Variants in PLEKHA5 observed in about 807,000 individuals in gnomAD.
PLEKHA5 encodes pleckstrin homology domain containing A5.
Under a neutral mutation model 181.9 loss-of-function variants are expected in PLEKHA5, and 55 were observed. The observed-to-expected ratio is 0.30, with a 90% CI of 0.24 to 0.38. The LOEUF is 0.38. PLEKHA5 is among the 10% of genes least tolerant of loss of function. The probability of loss-of-function intolerance (pLI) is 1.00; values close to 1 mark genes in which losing one functional copy is unlikely to be tolerated. For missense variants in PLEKHA5, 1,432 were observed against 1,549.5 expected (o/e 0.92, Z 1.27); for synonymous variants, 535 against 529.4 (o/e 1.01, Z -0.15).
intron 20 of PLEKHA5, among the ~76,000 whole-genome samples, chr12:19,328,007 G>A (rs1592507473): frequency 6.6e-6 from 1 of 152,146 alleles, no homozygotes; most frequent in Non-Finnish European, 1.5e-5. Flanking sequence ...GTTAATTTTT[G>A]TATATGGTGA....
At chr12:19,211,971 G>A (rs562474640) in intron 3 of PLEKHA5, among the ~76,000 whole-genome samples, 8 of 152,148 alleles carry the variant, frequency 5.3e-5, no homozygotes, top group Non-Finnish European at 1.2e-4. Flanking sequence ...TAAACAACTT[G>A]GTTTTGGCTT....
intron 3 of PLEKHA5, among the ~76,000 whole-genome samples, chr12:19,185,202 CCT>C (rs2049549303): frequency 6.6e-6 from 1 of 151,858 alleles, no homozygotes; most frequent in Non-Finnish European, 1.5e-5. Flanking sequence ...CCCTGTCCAT[CCT>C]CTGTTTCTTC....
chr12:19,306,873 T>G (rs2152956742), intron 15 of PLEKHA5: 1 of 798,726 alleles, frequency 1.3e-6, no homozygotes, highest in East Asian at 2.4e-5. Flanking sequence ...GAAGGAGTTA[T>G]TCCTGATAAG....
chr12:19,339,375 C>G (rs148274264), intron 21 of PLEKHA5, among the ~76,000 whole-genome samples: 22 of 152,248 alleles, frequency 1.4e-4, no homozygotes, highest in Middle Eastern at 6.8e-3. Context: ...TTGTTCTTAA[C>G]TCACAGGCCA....
rs528637011 is a variant in PLEKHA5 at position 19,200,511 on chromosome 12, T to A, written c.228-53429T>A. 6.6e-6 allele frequency: 9 copies of A among 1,364,324 alleles called. No individual in the cohort carries two copies. The East Asian group carries it at 2.1e-4, about 32-fold the overall frequency. The allele number at this position is 1,364,324 out of a possible 1,614,324, so 84.5% of individuals were successfully genotyped here. A position where few individuals can be genotyped will look rare whatever the true frequency, so the allele number is the denominator to read the frequency against. Reference sequence around the variant, plus strand: ...TATTCTCCATAACAAATGTTCCAAATCTTTGATTACTCACCTCAGAATGCT... The same window carrying A: ...TATTCTCCATAACAAATGTTCCAAAACTTTGATTACTCACCTCAGAATGCT... On this transcript the variant is annotated intron_variant, in intron 3 of 31. Transcript: ENST00000429027.
At chr12:19,153,518 C>T (rs1337882761) in intron 3 of PLEKHA5, 3 of 152,094 alleles carry the variant, frequency 2.0e-5, no homozygotes, top group Non-Finnish European at 4.4e-5. Context: ...TACGCGTACA[C>T]ACACACAAAC....
chr12:19,241,759 TAAA>T (rs11357680), intron 3 of PLEKHA5, among the ~76,000 whole-genome samples: 1 of 144,030 alleles, frequency 6.9e-6, no homozygotes, highest in African/African-American at 2.6e-5. Flanking sequence ...AGATTCCATC[TAAA>T]AAAAAAAAAA....
At chr12:19,298,981 A>G (rs2080712262) in intron 15 of PLEKHA5, among the ~76,000 whole-genome samples, 3 of 152,368 alleles carry the variant, frequency 2.0e-5, no homozygotes, top group South Asian at 4.1e-4. Context: ...GCCTGACACC[A>G]GTCTCTCACA....
chr12:19,183,809 G>A (rs767756731), intron 3 of PLEKHA5, among the ~76,000 whole-genome samples: 5 of 152,138 alleles, frequency 3.3e-5, no homozygotes, highest in Admixed American at 1.3e-4. Context: ...TGCCTGCCAG[G>A]TTCAAACGAT....
intron 15 of PLEKHA5, among the ~76,000 whole-genome samples, chr12:19,309,670 G>A (rs1363129435): frequency 3.9e-5 from 6 of 151,974 alleles, no homozygotes; most frequent in Non-Finnish European, 5.9e-5. Flanking sequence ...ACTTGAACCC[G>A]GGAGGTGGAG....
intron 10 of PLEKHA5, among the ~76,000 whole-genome samples, chr12:19,273,661 G>A (rs916025111): frequency 2.0e-5 from 3 of 152,170 alleles, no homozygotes; most frequent in Non-Finnish European, 2.9e-5. Context: ...ACCTAGATAT[G>A]GCAACTAGAA....
chr12:19,154,036 T>C (rs574427227), intron 3 of PLEKHA5: 1 of 152,312 alleles, frequency 6.6e-6, no homozygotes, highest in African/African-American at 2.4e-5. Context: ...GTTTATATTA[T>C]CAGATGCATT....
chr12:19,171,313 C>G (rs1300016120), intron 3 of PLEKHA5, among the ~76,000 whole-genome samples: 2 of 152,130 alleles, frequency 1.3e-5, no homozygotes, highest in Admixed American at 6.5e-5. Flanking sequence ...GTTTCTTCAT[C>G]TGCCTCTGGG....
intron 3 of PLEKHA5, among the ~76,000 whole-genome samples, chr12:19,204,506 A>T (rs1565463267): frequency 2.0e-5 from 3 of 152,158 alleles, no homozygotes; most frequent in Admixed American, 6.6e-5. Flanking sequence ...ACTAATGGCC[A>T]TTGCAGCAAT....
rs990928363 is a variant in PLEKHA5 at position 19,151,524 on chromosome 12, T to G, written c.227+19074T>G. The G allele has an allele frequency of 7.9e-5, 12 of 152,336 alleles. No homozygotes were observed. In the East Asian group the frequency reaches 2.3e-3, roughly 30 times the overall value. The allele number at this position is 152,336 out of a possible 1,614,324, so 9.4% of individuals were successfully genotyped here. A position where few individuals can be genotyped will look rare whatever the true frequency, so the allele number is the denominator to read the frequency against. On this transcript the variant is annotated intron_variant, in intron 3 of 31. Transcript: ENST00000429027. ...GTGGTCAGCCCAGGAATTTGTGGGT[T>G]CTGCCTGTGCTCCTTAAAGGGTATT...
intron 28 of PLEKHA5, among the ~76,000 whole-genome samples, chr12:19,359,963 C>T (rs1384394214): frequency 6.6e-6 from 1 of 150,800 alleles, no homozygotes. Context: ...GAGGGAGACT[C>T]CATCTCAAAA....
rs2070959954 is a variant in PLEKHA5 at position 19,267,665 on chromosome 12, C to G, written c.711+1815C>G. Among the ~76,000 whole-genome samples, 3 of 139,256 alleles carry G rather than the reference C, an allele frequency of 2.2e-5. No individual in the cohort carries two copies. In the South Asian group the frequency reaches 7.1e-4, roughly 33 times the overall value. The allele number at this position is 139,256 out of a possible 152,430, so 91.4% of individuals were successfully genotyped here. A position where few individuals can be genotyped will look rare whatever the true frequency, so the allele number is the denominator to read the frequency against. ...ACAGAGTAAGACTCCCTCCCTCCCCCAACCCCCCAAAAAAATAGCCAGGCA... is the reference window on the plus strand; with the variant it reads ...ACAGAGTAAGACTCCCTCCCTCCCCGAACCCCCCAAAAAAATAGCCAGGCA... On this transcript the variant is annotated intron_variant, in intron 8 of 31. Coordinates refer to ENST00000429027, the MANE Select transcript of PLEKHA5 (RefSeq NM_001256470.2).
At chr12:19,206,552 T>A (rs7306560) in intron 3 of PLEKHA5, among the ~76,000 whole-genome samples, 86,122 of 151,848 alleles carry the variant, frequency 0.57, 28,041 homozygotes, top group Non-Finnish European at 0.75. Flanking sequence ...ATAAGGTGCT[T>A]TAAAGAGGTC....
rs750046173 is a variant in PLEKHA5 at position 19,320,604 on chromosome 12, C to T, written c.2197C>T (p.Pro733Ser). Residue 733 changes from proline (P) to serine (S), a missense_variant, in exon 18 of 32, where the codon CCT becomes TCT. This residue lies in a region of PLEKHA5 where 1,143 missense variants were observed against 1,168.4 expected (regional missense o/e 0.98). Transcript: ENST00000429027. ...TAGAGGCACATTATACAAATACAGA[C>T]CTGAAGAAGTAGATATTGATGTAAG... is the stretch of plus-strand genomic sequence containing the variant. Reference protein sequence around the residue: ...EGRGTLYKYRPEEVDIDAKLS... With the variant: ...EGRGTLYKYRSEEVDIDAKLS... 2 of 1,498,974 alleles carry T rather than the reference C, an allele frequency of 1.3e-6. No individual in the cohort carries two copies. The highest frequency in any genetic ancestry group is 1.2e-5 in the South Asian group (1 of 84,128). The allele number at this position is 1,498,974 out of a possible 1,614,324, so 92.9% of individuals were successfully genotyped here.
Sources: gnomAD v4.1 joint callset for allele counts (sites outside exome capture counted in the v4.1 genomes callset) on GRCh38, gnomAD v4.1.1 for gene constraint, gnomAD v4.1.1 regional missense constraint, MANE v1.5 for transcripts, NCBI Gene and HGNC (gene_info 2026-07-23, HGNC 2026-07-21) for gene names.